HIPK2: variants seen among roughly 807,000 people sequenced by gnomAD.
HIPK2 encodes homeodomain interacting protein kinase 2, also known as homeodomain-interacting protein kinase 2.
In HIPK2, 27 loss-of-function variants were observed where a neutral mutation model predicts 113.7. The ratio of observed to expected loss-of-function variants is 0.24; its 90% CI spans 0.17 to 0.33. The LOEUF (loss-of-function observed/expected upper bound fraction) is 0.33, where lower values mean the gene tolerates loss of function less well. HIPK2 is among the 10% of genes least tolerant of loss of function. The pLI is 1.00. For missense variants in HIPK2, 1,257 were observed against 1,588.0 expected, an observed-to-expected ratio of 0.79 and a Z score of 3.54; for synonymous variants, 631 against 642.2, an observed-to-expected ratio of 0.98 and a Z score of 0.26.
intron 1 of HIPK2, among the ~76,000 whole-genome samples, chr7:139,733,176 T>A (rs1585435213): frequency 6.6e-6 from 1 of 152,286 alleles, no homozygotes; most frequent in East Asian, 1.9e-4. Context: ...GATGCTAGCA[T>A]CATGCTTCTT....
intron 1 of HIPK2, among the ~76,000 whole-genome samples, chr7:139,756,486 G>A (rs1344404822): frequency 1.3e-5 from 2 of 152,190 alleles, no homozygotes; most frequent in Non-Finnish European, 2.9e-5. Flanking sequence ...GTGCAGTGGT[G>A]CAATCTTGGC....
At chr7:139,773,866 C>T (rs969777078) in intron 1 of HIPK2, among the ~76,000 whole-genome samples, 15 of 152,220 alleles carry the variant, frequency 9.9e-5, no homozygotes, top group African/African-American at 3.1e-4. Context: ...CAAAGGTTAT[C>T]TTTCATACTT....
chr7:139,698,575 A>G (rs1282014167), intron 2 of HIPK2, among the ~76,000 whole-genome samples: 5 of 152,256 alleles, frequency 3.3e-5, no homozygotes, highest in Non-Finnish European at 7.3e-5. Context: ...CATTCGTACC[A>G]GCGATGTAAG....
chr7:139,674,508 T>C (rs1802424094), intron 2 of HIPK2, among the ~76,000 whole-genome samples: 1 of 151,850 alleles, frequency 6.6e-6, no homozygotes, highest in Admixed American at 6.6e-5. Flanking sequence ...CTTCCACCTG[T>C]GGAGAGGGCA....
intron 1 of HIPK2, among the ~76,000 whole-genome samples, chr7:139,757,740 T>C (rs912040587): frequency 6.6e-6 from 1 of 152,202 alleles, no homozygotes; most frequent in Non-Finnish European, 1.5e-5. Flanking sequence ...GAGTTTCTTT[T>C]TGGGGTGACA....
intron 6 of HIPK2, among the ~76,000 whole-genome samples, chr7:139,624,643 G>GC (rs1216849080): frequency 6.6e-6 from 1 of 152,112 alleles, no homozygotes; most frequent in Non-Finnish European, 1.5e-5. Context: ...GCATTGACCA[G>GC]AACACCACGT....
intron 5 of HIPK2, among the ~76,000 whole-genome samples, chr7:139,627,632 A>G (rs1800479397): frequency 6.6e-6 from 1 of 152,226 alleles, no homozygotes; most frequent in Admixed American, 6.5e-5. Context: ...CTAAGCTGCT[A>G]ATCAACTGAC....
At chr7:139,625,884 T>C (rs983751903) in intron 6 of HIPK2, among the ~76,000 whole-genome samples, 2 of 152,166 alleles carry the variant, frequency 1.3e-5, no homozygotes, top group African/African-American at 4.8e-5. Flanking sequence ...AAACCCAAAC[T>C]AGACTGGGTC....
intron 1 of HIPK2, 36 bp from the exon 2 acceptor site, chr7:139,717,051 G>A (rs778983394): frequency 7.0e-6 from 11 of 1,577,002 alleles, no homozygotes; most frequent in Non-Finnish European, 9.5e-6. Flanking sequence ...AAGTATCGGA[G>A]TCACCTTGGT....
intron 1 of HIPK2, among the ~76,000 whole-genome samples, chr7:139,761,220 A>G (rs1044069585): frequency 6.6e-6 from 1 of 152,248 alleles, no homozygotes; most frequent in Admixed American, 6.5e-5. Flanking sequence ...TATAGAAGAA[A>G]TGAAAGAATT....
intron 13 of HIPK2, among the ~76,000 whole-genome samples, chr7:139,583,166 G>C (rs1053232252): frequency 6.6e-6 from 1 of 152,236 alleles, no homozygotes; most frequent in Non-Finnish European, 1.5e-5. Flanking sequence ...GCATGAGCAA[G>C]GGAAACGCTA....
chr7:139,564,084 C>A lies in HIPK2; in HGVS notation c.*8843G>T. The A allele has an allele frequency of 2.5e-6, 1 of 397,680 alleles. No individual in the cohort carries two copies. The highest frequency in any genetic ancestry group is 3.6e-5 in the East Asian group (1 of 28,070). 24.6% of individuals were successfully genotyped at this position (397,680 alleles called of 1,614,324 possible). On this transcript the variant is annotated 3_prime_UTR_variant, in exon 15 of 15. Transcript: ENST00000406875. ...CTGTCTCTGCCTCCTCCTGCTCAGC[C>A]CTGACCATCTCTGAGAGGATGCTAA...
intron 2 of HIPK2, among the ~76,000 whole-genome samples, chr7:139,684,237 G>A (rs1794149844): frequency 6.6e-6 from 1 of 152,114 alleles, no homozygotes; most frequent in African/African-American, 2.4e-5. Context: ...CCATCTATGA[G>A]CTGTTCCCCC....
At position 139,563,595 on chromosome 7, in the gene HIPK2, A is replaced by G. The variant is rs532670659; in HGVS notation, c.*9332T>C. On this transcript the variant is annotated 3_prime_UTR_variant, in exon 15 of 15. Transcript: ENST00000406875. The stretch of plus-strand genomic sequence containing the variant: ...TTTTAAAAATATAAGCCCCAAAAAC[A>G]ATGACACAAAATTCATTTGGTTAAT... 1 of 384,004 alleles carries G rather than the reference A, an allele frequency of 2.6e-6. No individual in the cohort carries two copies. The highest frequency in any genetic ancestry group is 3.7e-5 in the East Asian group (1 of 26,868). 23.8% of individuals were successfully genotyped at this position (384,004 alleles called of 1,614,324 possible).
rs1191875878 is a variant in HIPK2, at chr7:139,604,228, A to G, written c.2113-5T>C. 1 of 1,607,332 alleles carries G rather than the reference A, an allele frequency of 6.2e-7. No homozygotes were observed. Among genetic ancestry groups the G allele is most frequent in the Non-Finnish European group, 8.5e-7 (1 of 1,176,142 alleles). ...GGTCCCACTTGGCCAAGCCTGCTGTAGAACACAGGACATGTGCAATGACCA... is the reference window on the plus strand; with the variant it reads ...GGTCCCACTTGGCCAAGCCTGCTGTGGAACACAGGACATGTGCAATGACCA... On this transcript the variant is annotated splice_polypyrimidine_tract_variant and splice_region_variant and intron_variant, in intron 9 of 14. Transcript: ENST00000406875.
intron 1 of HIPK2, among the ~76,000 whole-genome samples, chr7:139,775,372 G>A (rs929658457): frequency 6.6e-6 from 1 of 152,200 alleles, no homozygotes; most frequent in African/African-American, 2.4e-5. Context: ...GATTCTAGAA[G>A]TCACCTGTCT....
In HIPK2 at chr7:139,570,282, CG is replaced by C. The variant is rs58997112; in HGVS notation, c.*2644del. On this transcript the variant is annotated 3_prime_UTR_variant, in exon 15 of 15. Coordinates refer to ENST00000406875, the MANE Select transcript of HIPK2 (RefSeq NM_022740.5). Reference sequence around the variant, plus strand: ...TTTCCAGGCTGACCCAGCTGTGGGGCGGGGGGGGGTCCTCTGGCTTCTGTGT... The same window carrying C: ...TTTCCAGGCTGACCCAGCTGTGGGGCGGGGGGGGTCCTCTGGCTTCTGTGT... 0.015 allele frequency: 2,173 copies of C among 144,876 alleles called. 52 individuals are homozygous for C. The highest frequency in any genetic ancestry group is 0.05 in the African/African-American group (1,986 of 39,454). The allele number at this position is 144,876 out of a possible 1,614,324, so 9.0% of individuals were successfully genotyped here.
At chr7:139,678,416 T>C (rs894483406) in intron 2 of HIPK2, among the ~76,000 whole-genome samples, 1 of 152,200 alleles carries the variant, frequency 6.6e-6, no homozygotes, top group African/African-American at 2.4e-5. Flanking sequence ...TTTCCCAACA[T>C]CATTTATTAA....
At chr7:139,774,122 G>A (rs6947799) in intron 1 of HIPK2, among the ~76,000 whole-genome samples, 14,381 of 152,250 alleles carry the variant, frequency 0.094, 2,235 homozygotes, top group African/African-American at 0.33. Flanking sequence ...GGAATCGCAG[G>A]AGATTAATAA....
Sources: gnomAD v4.1 joint callset for allele counts (sites outside exome capture counted in the v4.1 genomes callset) on GRCh38, gnomAD v4.1.1 for gene constraint, MANE v1.5 for transcripts, NCBI Gene and HGNC (gene_info 2026-07-23, HGNC 2026-07-21) for gene names.